SFXN5: variants seen among roughly 807,000 people sequenced by gnomAD.
SFXN5 encodes the protein sideroflexin-5.
In SFXN5, 43 loss-of-function variants were observed where a neutral mutation model predicts 50.2. The observed-to-expected ratio is 0.86, with a 90% CI of 0.67 to 1.11. The LOEUF (loss-of-function observed/expected upper bound fraction) is 1.11. SFXN5 is among the 50% of genes least tolerant of loss of function. The probability of loss-of-function intolerance (pLI) is 0.00; values close to 1 mark genes in which losing one functional copy is unlikely to be tolerated. For synonymous variants in SFXN5, 203 were observed against 185.8 expected (o/e 1.09, Z -0.75); for missense variants, 463 against 454.1 (o/e 1.02, Z -0.18).
intron 6 of SFXN5, among the ~76,000 whole-genome samples, chr2:73,006,649 C>T (rs892476464): frequency 2.6e-5 from 4 of 151,874 alleles, no homozygotes; most frequent in Non-Finnish European, 5.9e-5. Flanking sequence ...AAAATGCTCA[C>T]GTATGCCACT....
At chr2:72,948,992 A>G (rs1672242436) in intron 13 of SFXN5, among the ~76,000 whole-genome samples, 1 of 152,160 alleles carries the variant, frequency 6.6e-6, no homozygotes, top group African/African-American at 2.4e-5. Flanking sequence ...GCAGAGTGCC[A>G]TGGCAACTGG....
chr2:72,946,231 A>G (rs1204431434), intron 13 of SFXN5, among the ~76,000 whole-genome samples: 4 of 151,506 alleles, frequency 2.6e-5, no homozygotes, highest in Non-Finnish European at 5.9e-5. Context: ...CCTCCCCTTC[A>G]TCCCAAGGCA....
At position 73,020,270 on chromosome 2, in the gene SFXN5, A is replaced by C. The variant is rs757043919; in HGVS notation, c.332-6T>G. The C allele has an allele frequency of 1.9e-6, 3 of 1,614,076 alleles. No homozygotes were observed. In the East Asian group the frequency reaches 6.7e-5, roughly 36 times the overall value. On this transcript the variant is annotated splice_region_variant and splice_polypyrimidine_tract_variant and intron_variant, in intron 5 of 13. Transcript: ENST00000272433. ...CGTCCCAAAAGGAATATAACCTGTGAACGAGAAGAAAAGAGTCAGGCCTTA... is the reference window on the plus strand; with the variant it reads ...CGTCCCAAAAGGAATATAACCTGTGCACGAGAAGAAAAGAGTCAGGCCTTA...
At chr2:73,029,177 A>G (rs925890906) in intron 3 of SFXN5, among the ~76,000 whole-genome samples, 4 of 152,194 alleles carry the variant, frequency 2.6e-5, no homozygotes, top group East Asian at 1.9e-4. Context: ...CCCTAAAGAC[A>G]TGAGTGAAAG....
At chr2:73,016,816 G>A (rs538130297) in intron 6 of SFXN5, among the ~76,000 whole-genome samples, 2 of 152,332 alleles carry the variant, frequency 1.3e-5, no homozygotes, top group South Asian at 4.1e-4. Context: ...GGTTACGCCT[G>A]ATAAACCCAT....
intron 5 of SFXN5, among the ~76,000 whole-genome samples, chr2:73,020,555 A>G (rs557351820): frequency 5.3e-4 from 80 of 152,200 alleles, no homozygotes; most frequent in African/African-American, 1.5e-3. Flanking sequence ...CTGGGGCACC[A>G]CCACTCCACA....
intron 12 of SFXN5, chr2:72,967,263 G>A (rs1674526461): frequency 6.6e-6 from 1 of 152,248 alleles, no homozygotes; most frequent in African/African-American, 2.4e-5. Flanking sequence ...GGCAGGAACT[G>A]TGCTAGATGC....
chr2:72,953,449 C>A lies in SFXN5; in HGVS notation c.945+7682G>T, dbSNP rs1209046037. ...GTAGACTCAGGAGGGATGCAATGTGCCCTAGACATTGTCTCTGGCCTCGCA... is the reference window on the plus strand; with the variant it reads ...GTAGACTCAGGAGGGATGCAATGTGACCTAGACATTGTCTCTGGCCTCGCA... On this transcript the variant is annotated intron_variant, in intron 13 of 13. Transcript: ENST00000272433. This position sits in a 1 kb window ranked among gnomAD's most constrained non-coding sequence, Gnocchi z 4.1. Among the ~76,000 whole-genome samples, 2 of 152,154 alleles carry A rather than the reference C, an allele frequency of 1.3e-5. No individual in the cohort carries two copies. The highest frequency in any genetic ancestry group is 4.8e-5 in the African/African-American group (2 of 41,432).
Position 73,071,495 on chromosome 2 carries a change from TCCGCTGG to T in SFXN5, c.102+102_102+108del, listed in dbSNP as rs1683619147. On this transcript the variant is annotated intron_variant, in intron 1 of 13. Coordinates refer to ENST00000272433, the MANE Select transcript of SFXN5 (RefSeq NM_144579.3). ...TCCCCCCCTGGCGCTAGCTGCAGGC[TCCGCTGG>T]CCGCGGGTGGGAGACCCTTGGGCGG... The T allele has an allele frequency of 4.0e-6, 4 of 1,011,466 alleles. No homozygotes were observed. The Admixed American group carries it at 1.0e-4, about 26-fold the overall frequency. The allele number at this position is 1,011,466 out of a possible 1,614,324, so 62.7% of individuals were successfully genotyped here.
intron 10 of SFXN5, among the ~76,000 whole-genome samples, chr2:72,975,539 G>A (rs748976332): frequency 4.6e-5 from 7 of 152,134 alleles, no homozygotes; most frequent in Admixed American, 2.6e-4. Context: ...TCAATTCTAC[G>A]ATGCACCTTC....
intron 1 of SFXN5, among the ~76,000 whole-genome samples, chr2:73,067,431 C>T (rs777627800): frequency 1.1e-4 from 16 of 152,088 alleles, no homozygotes; most frequent in Non-Finnish European, 1.2e-4. Context: ...GTGTAGTTAA[C>T]GATAATGTAC....
At chr2:73,058,275 T>C in intron 2 of SFXN5, 1 of 394,114 alleles carries the variant, frequency 2.5e-6, no homozygotes, top group Non-Finnish European at 4.6e-6. Flanking sequence ...ATATCTATCT[T>C]AAAGGGTTGT....
At chr2:73,020,363 C>A in intron 5 of SFXN5, 99 bp from the exon 6 acceptor site, 1 of 1,206,368 alleles carries the variant, frequency 8.3e-7, no homozygotes, top group Non-Finnish European at 1.2e-6. Flanking sequence ...ATCAGTGGCC[C>A]TGATGAAGGG....
intron 10 of SFXN5, among the ~76,000 whole-genome samples, chr2:72,980,788 T>C (rs1470451160): frequency 2.0e-5 from 3 of 152,166 alleles, no homozygotes; most frequent in Non-Finnish European, 2.9e-5. Flanking sequence ...CTAACACTCA[T>C]AGCGACAACA....
chr2:73,048,766 T>A (rs1680843257), intron 2 of SFXN5, among the ~76,000 whole-genome samples: 1 of 152,236 alleles, frequency 6.6e-6, no homozygotes. Context: ...ATTAATATCC[T>A]TGTATATAAA....
At chr2:73,071,358 T>C in intron 1 of SFXN5, 1 of 505,334 alleles carries the variant, frequency 2.0e-6, no homozygotes, top group South Asian at 2.5e-5. Context: ...CGGGAAAGGC[T>C]AGAGGGCGCG....
rs1324361494 is a variant in SFXN5 at position 72,945,685 on chromosome 2, G to A, written c.946-586C>T. 1.3e-5 allele frequency among the ~76,000 whole-genome samples: 2 copies of A among 151,974 alleles called. No homozygotes were observed. Among genetic ancestry groups the A allele is most frequent in the Non-Finnish European group, 1.5e-5 (1 of 67,996 alleles). On this transcript the variant is annotated intron_variant, in intron 13 of 13. Coordinates refer to ENST00000272433, the MANE Select transcript of SFXN5 (RefSeq NM_144579.3). This position sits in a 1 kb window ranked among gnomAD's most constrained non-coding sequence, Gnocchi z 5.8. The stretch of plus-strand genomic sequence containing the variant: ...CCCTTCAGCTACTCCCTAGCCCAAG[G>A]GTCCCTCCCACGCTGCTGGCAGAAG...
intron 12 of SFXN5, among the ~76,000 whole-genome samples, chr2:72,965,220 G>A (rs1240296355): frequency 1.3e-5 from 2 of 152,178 alleles, no homozygotes; most frequent in Non-Finnish European, 2.9e-5. Context: ...ATTGACAGAC[G>A]CCGGCAGGCC....
chr2:73,030,875 G>C (rs1678217573), intron 3 of SFXN5, among the ~76,000 whole-genome samples: 2 of 152,168 alleles, frequency 1.3e-5, no homozygotes, highest in Non-Finnish European at 2.9e-5. Context: ...ATAATACAGA[G>C]GAACCAACAA....
Sources: allele counts gnomAD v4.1 joint callset (sites outside exome capture counted in the v4.1 genomes callset), GRCh38; gene constraint gnomAD v4.1.1; non-coding constraint Gnocchi (gnomAD v3.1); transcripts MANE v1.5; gene names NCBI Gene and HGNC (gene_info 2026-07-23, HGNC 2026-07-21).